Variants in MACROD2 observed in about 807,000 individuals in gnomAD.
The protein encoded by MACROD2 is ADP-ribose glycohydrolase MACROD2.
MACROD2 carries 36 observed loss-of-function variants against 70.4 expected under a neutral mutation model. The ratio of observed to expected loss-of-function variants is 0.51; its 90% CI spans 0.39 to 0.68. The LOEUF is 0.68. Among genes scored for constraint, MACROD2 ranks in the 30% least tolerant of loss-of-function variants. MACROD2 has a pLI of 0.00. For synonymous variants in MACROD2, 172 were observed against 178.8 expected, an observed-to-expected ratio of 0.96 and a Z score of 0.30; for missense variants, 496 against 538.4, an observed-to-expected ratio of 0.92 and a Z score of 0.78.
At chr20:16,002,689 C>G (rs2066726948) in intron 15 of MACROD2, among the ~76,000 whole-genome samples, 1 of 152,192 alleles carries the variant, frequency 6.6e-6, no homozygotes, top group Non-Finnish European at 1.5e-5. Context: ...GCTCAGCTGA[C>G]ACCTTGACGC....
intron 10 of MACROD2, among the ~76,000 whole-genome samples, chr20:15,909,192 C>T (rs1274690313): frequency 1.3e-5 from 2 of 152,194 alleles, no homozygotes; most frequent in African/African-American, 4.8e-5. Context: ...ATCTCTCTAG[C>T]TTGATGAAGT....
chr20:14,653,332 C>T (rs951941440), intron 4 of MACROD2, among the ~76,000 whole-genome samples: 2 of 151,688 alleles, frequency 1.3e-5, no homozygotes, highest in African/African-American at 2.4e-5. Flanking sequence ...CATTCTCCTG[C>T]GTCAGCGTCC....
At chr20:15,497,597 TCTC>T (rs1275658613) in intron 7 of MACROD2, among the ~76,000 whole-genome samples, 1 of 152,084 alleles carries the variant, frequency 6.6e-6, no homozygotes, top group Non-Finnish European at 1.5e-5. Context: ...GCCGCCTCCT[TCTC>T]CTTCTTTGCA....
chr20:15,356,330 A>T (rs1378779186), intron 6 of MACROD2, among the ~76,000 whole-genome samples: 6 of 152,230 alleles, frequency 3.9e-5, no homozygotes, highest in Non-Finnish European at 7.3e-5. Context: ...TGGCATAAGT[A>T]TAGTAAGGAC....
chr20:15,840,394 C>T (rs954374278), intron 8 of MACROD2, among the ~76,000 whole-genome samples: 2 of 152,120 alleles, frequency 1.3e-5, no homozygotes, highest in Non-Finnish European at 2.9e-5. Flanking sequence ...TTGGTTGACT[C>T]CAAATTTTTC....
chr20:14,894,611 G>T (rs1321304455), intron 5 of MACROD2: 1 of 151,852 alleles, frequency 6.6e-6, no homozygotes, highest in East Asian at 1.9e-4. Flanking sequence ...TAATATTTCA[G>T]TCAAATTCTA....
chr20:14,421,700 A>T (rs1054626056), intron 3 of MACROD2, among the ~76,000 whole-genome samples: 4 of 152,106 alleles, frequency 2.6e-5, no homozygotes, highest in Non-Finnish European at 4.4e-5. Flanking sequence ...CCATATACTT[A>T]TGAATTTTCC....
intron 4 of MACROD2, among the ~76,000 whole-genome samples, chr20:14,684,228 C>T (rs959987655): frequency 6.6e-6 from 1 of 152,142 alleles, no homozygotes; most frequent in Non-Finnish European, 1.5e-5. Context: ...TTGCGCAGCA[C>T]CCAGTCAGAC....
intron 15 of MACROD2, among the ~76,000 whole-genome samples, chr20:16,039,191 A>G (rs2067274767): frequency 6.6e-6 from 1 of 152,016 alleles, no homozygotes; most frequent in Admixed American, 6.6e-5. Flanking sequence ...ATTTTAAATA[A>G]TATGTTCAGT....
intron 8 of MACROD2, among the ~76,000 whole-genome samples, chr20:15,760,635 A>AG (rs2051422793): frequency 6.6e-6 from 1 of 152,136 alleles, no homozygotes; most frequent in South Asian, 2.1e-4. Flanking sequence ...AGGACTCCCC[A>AG]GGAGAGGGAG....
chr20:14,841,106 G>A (rs2073082567), intron 5 of MACROD2, among the ~76,000 whole-genome samples: 1 of 151,824 alleles, frequency 6.6e-6, no homozygotes, highest in Non-Finnish European at 1.5e-5. Context: ...ATTTTCCTTT[G>A]ACCAATATGA....
intron 3 of MACROD2, among the ~76,000 whole-genome samples, chr20:14,263,324 A>G (rs1042790017): frequency 2.0e-5 from 3 of 152,230 alleles, no homozygotes; most frequent in Admixed American, 6.5e-5. Flanking sequence ...ATAATTAACA[A>G]GAGCATGAAG....
At chr20:15,729,831 CT>C (rs61542762) in intron 8 of MACROD2, among the ~76,000 whole-genome samples, 20 of 64,778 alleles carry the variant, frequency 3.1e-4, no homozygotes, top group East Asian at 1.6e-3. Context: ...TTGGGTCATG[CT>C]TTTTTTTTTT....
chr20:15,372,124 A>T (rs1039163401), intron 6 of MACROD2, among the ~76,000 whole-genome samples: 2 of 152,158 alleles, frequency 1.3e-5, no homozygotes, highest in Admixed American at 1.3e-4. Context: ...AATTCATTTC[A>T]TCTCTATGGA....
At chr20:14,786,170 C>G (rs1017578587) in intron 5 of MACROD2, among the ~76,000 whole-genome samples, 1 of 148,762 alleles carries the variant, frequency 6.7e-6, no homozygotes, top group Non-Finnish European at 1.5e-5. Flanking sequence ...TCCCAGTTCT[C>G]TTGTTGATAG....
At chr20:14,592,576 A>G (rs2123381258) in intron 4 of MACROD2, among the ~76,000 whole-genome samples, 1 of 152,272 alleles carries the variant, frequency 6.6e-6, no homozygotes, top group South Asian at 2.1e-4. Context: ...GGCGCAGGCC[A>G]CCATGACTGG....
chr20:14,976,926 TA>T (rs146283691), intron 5 of MACROD2, among the ~76,000 whole-genome samples: 1,650 of 149,790 alleles, frequency 0.011, 30 homozygotes, highest in African/African-American at 0.04. Flanking sequence ...TTCCTGCAAT[TA>T]TTTTATATAA....
At chr20:14,007,496 G>A (rs1474019837) in intron 2 of MACROD2, among the ~76,000 whole-genome samples, 3 of 152,062 alleles carry the variant, frequency 2.0e-5, no homozygotes, top group Admixed American at 1.3e-4. Context: ...GTGCATGCGC[G>A]TGCATGTATT....
At chr20:15,753,928 A>G (rs1359125141) in intron 8 of MACROD2, among the ~76,000 whole-genome samples, 17 of 152,232 alleles carry the variant, frequency 1.1e-4, no homozygotes, top group Admixed American at 1.1e-3. Context: ...AAATATATGA[A>G]GTAAAAATGG....
Sources: allele counts gnomAD v4.1 joint callset (sites outside exome capture counted in the v4.1 genomes callset), GRCh38; gene constraint gnomAD v4.1.1; transcripts MANE v1.5; gene names NCBI Gene and HGNC (gene_info 2026-07-23, HGNC 2026-07-21).